PLXNC1: variants seen among roughly 807,000 people sequenced by gnomAD.
PLXNC1 encodes the protein plexin-C1.
A neutral mutation model predicts 178.2 loss-of-function variants in PLXNC1; 75 were observed. That is an observed-to-expected ratio of 0.42 (90% confidence interval 0.35 to 0.51). PLXNC1 has a LOEUF of 0.51. Ranked by LOEUF, PLXNC1 falls within the 20% of genes least tolerant of loss-of-function variation. The probability of loss-of-function intolerance (pLI) is 0.02; values close to 1 mark genes in which losing one functional copy is unlikely to be tolerated. For missense variants in PLXNC1, 1,503 were observed against 1,984.4 expected (o/e 0.76, Z 4.61); for synonymous variants, 790 against 779.9 (o/e 1.01, Z -0.22).
intron 1 of PLXNC1, among the ~76,000 whole-genome samples, chr12:94,159,223 T>C (rs1961287024): frequency 6.6e-6 from 1 of 152,236 alleles, no homozygotes; most frequent in Non-Finnish European, 1.5e-5. Context: ...ACAGCTCACC[T>C]ACTGTATATC....
At chr12:94,278,637 T>G (rs1350705773) in intron 21 of PLXNC1, among the ~76,000 whole-genome samples, 4 of 152,196 alleles carry the variant, frequency 2.6e-5, no homozygotes, top group Admixed American at 1.3e-4. Context: ...GGAAACCATC[T>G]GACTGAGGAT....
rs375140011 is a variant in PLXNC1 at position 94,173,191 on chromosome 12, G to A, written c.1203+3898G>A. ...CAGCTTTGGGGAATTCACACTGCAC[G>A]TGTTGCACAATGTATGCATTTCTGT... On this transcript the variant is annotated intron_variant, in intron 2 of 30. Coordinates refer to ENST00000258526, the MANE Select transcript of PLXNC1 (RefSeq NM_005761.3). Among the ~76,000 whole-genome samples the A allele has an allele frequency of 8.5e-5, 13 of 152,246 alleles. 1 individual carries two copies. In the East Asian group the frequency reaches 1.3e-3, roughly 16 times the overall value.
chr12:94,253,204 C>G (rs1032484732), intron 15 of PLXNC1, among the ~76,000 whole-genome samples: 1 of 102,678 alleles, frequency 9.7e-6, no homozygotes, highest in African/African-American at 3.7e-5. Context: ...AACAAGACTC[C>G]GTCTCAGAAA....
intron 1 of PLXNC1, among the ~76,000 whole-genome samples, chr12:94,166,055 G>T (rs1240974819): frequency 3.3e-5 from 5 of 152,082 alleles, no homozygotes; most frequent in Non-Finnish European, 7.4e-5. Flanking sequence ...TGGCAATAGG[G>T]AATGGAGCTG....
chr12:94,156,708 CTT>C (rs936065811), intron 1 of PLXNC1, among the ~76,000 whole-genome samples: 1 of 143,886 alleles, frequency 6.9e-6, no homozygotes, highest in Non-Finnish European at 1.5e-5. Context: ...AACTTTCTTT[CTT>C]TTTTTTTTTT....
At chr12:94,265,012 TTTAA>T in intron 20 of PLXNC1, 63 bp from the exon 21 acceptor site, 1 of 1,525,018 alleles carries the variant, frequency 6.6e-7, no homozygotes, top group Non-Finnish European at 9.0e-7. Context: ...AAACAGAAAC[TTTAA>T]TTCTTTGGAA....
At position 94,303,971 on chromosome 12, in the gene PLXNC1, T is replaced by C. The variant is rs1968746139; in HGVS notation, c.4528-6T>C. The C allele has an allele frequency of 6.2e-7, 1 of 1,605,522 alleles. No individual in the cohort carries two copies. The highest frequency in any genetic ancestry group is 1.1e-5 in the South Asian group (1 of 90,762). On this transcript the variant is annotated splice_polypyrimidine_tract_variant and splice_region_variant and intron_variant, in intron 29 of 30. Transcript: ENST00000258526. Reference sequence around the variant, plus strand: ...TTCAGAATCTCTCAACAAGTCTTTCTTTTAGAAACATGAAAATGAATTTAA... The same window carrying C: ...TTCAGAATCTCTCAACAAGTCTTTCCTTTAGAAACATGAAAATGAATTTAA...
chr12:94,271,377 G>A (rs2136106562), intron 21 of PLXNC1, among the ~76,000 whole-genome samples: 1 of 152,334 alleles, frequency 6.6e-6, no homozygotes, highest in Admixed American at 6.5e-5. Flanking sequence ...GAAAAGACCT[G>A]TTCCCCTGCC....
At chr12:94,301,662 G>A (rs1396960250) in intron 28 of PLXNC1, among the ~76,000 whole-genome samples, 1 of 152,152 alleles carries the variant, frequency 6.6e-6, no homozygotes, top group African/African-American at 2.4e-5. Flanking sequence ...TGTGCCTAAT[G>A]GATCTTTGAA....
rs1296359911 is a variant in PLXNC1 at position 94,298,776 on chromosome 12, C to T, written c.4219C>T (p.His1407Tyr). 1 of 1,610,684 alleles carries T rather than the reference C, an allele frequency of 6.2e-7. No homozygotes were observed. Among genetic ancestry groups the T allele is most frequent in the Non-Finnish European group, 8.5e-7 (1 of 1,179,322 alleles). ...NKKITDPDVVHIWKTNSLPLR... is the reference protein window; with the variant it reads ...NKKITDPDVVYIWKTNSLPLR... ...AAAAATCACAGATCCTGACGTCGTA[C>T]ATATTTGGAAAACAAACAGGTGGGA... Residue 1407 changes from histidine to tyrosine, a missense_variant, in exon 27 of 31, where the codon CAT becomes TAT. His to Tyr is a moderately conservative substitution (Grantham distance 83). Around this residue, in one of 4 missense-constraint regions of PLXNC1, gnomAD observed 639 missense variants for 979.7 expected, o/e 0.65. Transcript: ENST00000258526.
At chr12:94,301,590 C>T (rs1258328190) in intron 28 of PLXNC1, among the ~76,000 whole-genome samples, 2 of 152,090 alleles carry the variant, frequency 1.3e-5, no homozygotes, top group Admixed American at 6.5e-5. Context: ...TCAGAGCAAA[C>T]TTCGAAAGAG....
intron 22 of PLXNC1, 139 bp from the exon 23 acceptor site, chr12:94,282,159 A>G: frequency 1.6e-6 from 1 of 613,446 alleles, no homozygotes; most frequent in Non-Finnish European, 2.9e-6. Flanking sequence ...AATTCAGGCT[A>G]CCAGTCTGGC....
At position 94,149,720 on chromosome 12, in the gene PLXNC1, C is replaced by A; in HGVS notation, c.749C>A (p.Pro250His). Reference sequence around the variant, plus strand: ...GGCAGCATCTACTTCCCCTACTACCCCTACAACTACACGAGCGGCGCTGCC... The same window carrying A: ...GGCAGCATCTACTTCCCCTACTACCACTACAACTACACGAGCGGCGCTGCC... ...WNGSIYFPYY[P>H]YNYTSGAATG... The change falls in exon 1 of 31, where the codon CCC (proline) becomes CAC (histidine). Residue 250 changes from proline to histidine, a missense_variant. Coordinates refer to ENST00000258526, the MANE Select transcript of PLXNC1 (RefSeq NM_005761.3). The A allele has an allele frequency of 6.2e-7, 1 of 1,612,522 alleles. No individual in the cohort carries two copies. Among genetic ancestry groups the A allele is most frequent in the East Asian group, 2.2e-5 (1 of 44,812 alleles).
At chr12:94,200,849 A>G (rs987347072) in intron 4 of PLXNC1, among the ~76,000 whole-genome samples, 1 of 152,168 alleles carries the variant, frequency 6.6e-6, no homozygotes, top group Admixed American at 6.5e-5. Context: ...TCAGTCTGCA[A>G]ATGTGTTTTT....
At chr12:94,188,480 T>C (rs2135970864) in intron 4 of PLXNC1, among the ~76,000 whole-genome samples, 1 of 152,064 alleles carries the variant, frequency 6.6e-6, no homozygotes, top group Admixed American at 6.5e-5. Flanking sequence ...CGTGCCACCA[T>C]GCCCGACTAA....
At position 94,307,056 on chromosome 12, in the gene PLXNC1, TTTAGGGTACTGAAAA is replaced by T. The variant is rs1969104658; in HGVS notation, c.*1772_*1786del. On this transcript the variant is annotated 3_prime_UTR_variant, in exon 31 of 31. Coordinates refer to ENST00000258526, the MANE Select transcript of PLXNC1 (RefSeq NM_005761.3). Reference sequence around the variant, plus strand: ...TTGCCCAAAAGACTTCCCCTACTACTTTAGGGTACTGAAAACTCAAAGGATCAGCTACAGCTTTAT... The same window carrying T: ...TTGCCCAAAAGACTTCCCCTACTACTCTCAAAGGATCAGCTACAGCTTTAT... 6.6e-6 allele frequency: 1 copy of T among 152,174 alleles called. No individual in the cohort carries two copies. Among genetic ancestry groups the T allele is most frequent in the Non-Finnish European group, 1.5e-5 (1 of 68,038 alleles). The allele number at this position is 152,174 out of a possible 1,614,324, so 9.4% of individuals were successfully genotyped here.
In PLXNC1 at chr12:94,186,629, G is replaced by A. The variant is rs1962519962; in HGVS notation, c.1439+156G>A. The A allele has an allele frequency of 5.0e-6, 3 of 595,960 alleles. No individual in the cohort carries two copies. The Admixed American group carries it at 7.5e-5, about 15-fold the overall frequency. 36.9% of individuals were successfully genotyped at this position (595,960 alleles called of 1,614,324 possible). ...TGTTGTGCAATCCTAATGAATTCTCGAAGGTGTTTCCAGCGGCGTCCGTGC... is the reference window on the plus strand; with the variant it reads ...TGTTGTGCAATCCTAATGAATTCTCAAAGGTGTTTCCAGCGGCGTCCGTGC... On this transcript the variant is annotated intron_variant, in intron 4 of 30. Coordinates refer to ENST00000258526, the MANE Select transcript of PLXNC1 (RefSeq NM_005761.3).
chr12:94,229,880 A>G (rs1964045490), intron 9 of PLXNC1, among the ~76,000 whole-genome samples: 1 of 152,258 alleles, frequency 6.6e-6, no homozygotes, highest in Non-Finnish European at 1.5e-5. Context: ...AGAAAATAAT[A>G]AACTTTTAAT....
At position 94,306,772 on chromosome 12, in the gene PLXNC1, T is replaced by C. The variant is rs1159666726; in HGVS notation, c.*1487T>C. ...TGCTTCTGTATTATCTGGAAAAGCATGAGAGAGGTGACACCTCAACAAACT... is the reference window on the plus strand; with the variant it reads ...TGCTTCTGTATTATCTGGAAAAGCACGAGAGAGGTGACACCTCAACAAACT... On this transcript the variant is annotated 3_prime_UTR_variant, in exon 31 of 31. Coordinates refer to ENST00000258526, the MANE Select transcript of PLXNC1 (RefSeq NM_005761.3). 6.6e-6 allele frequency: 1 copy of C among 152,208 alleles called. No individual in the cohort carries two copies. The highest frequency in any genetic ancestry group is 1.5e-5 in the Non-Finnish European group (1 of 68,034). 9.4% of individuals were successfully genotyped at this position (152,208 alleles called of 1,614,324 possible). A position where few individuals can be genotyped will look rare whatever the true frequency, so the allele number is the denominator to read the frequency against.
Sources: allele counts gnomAD v4.1 joint callset (sites outside exome capture counted in the v4.1 genomes callset), GRCh38; gene constraint gnomAD v4.1.1; regional missense constraint gnomAD v4.1.1; transcripts MANE v1.5; gene names NCBI Gene and HGNC (gene_info 2026-07-23, HGNC 2026-07-21).